SLC4A4: variants seen among roughly 807,000 people sequenced by gnomAD.
SLC4A4 encodes the protein electrogenic sodium bicarbonate cotransporter 1.
SLC4A4 carries 27 observed loss-of-function variants against 111.5 expected under a neutral mutation model. That is an observed-to-expected ratio of 0.24 (90% confidence interval 0.18 to 0.33). SLC4A4 has a LOEUF of 0.33. Ranked by LOEUF, SLC4A4 falls within the 10% of genes least tolerant of loss-of-function variation. The pLI is 1.00. For missense variants in SLC4A4, 909 were observed against 1,315.5 expected (o/e 0.69, Z 4.78); for synonymous variants, 443 against 463.4 (o/e 0.96, Z 0.57).
At chr4:71,326,607 T>C (rs1460573520) in intron 3 of SLC4A4, among the ~76,000 whole-genome samples, 2 of 152,090 alleles carry the variant, frequency 1.3e-5, no homozygotes, top group Non-Finnish European at 2.9e-5. Flanking sequence ...TTGTCATTCA[T>C]GCGAAGCATT....
intron 1 of SLC4A4, among the ~76,000 whole-genome samples, chr4:71,076,637 G>A (rs1370441355): frequency 6.6e-6 from 1 of 152,052 alleles, no homozygotes; most frequent in Non-Finnish European, 1.5e-5. Context: ...AGTTGGGAAT[G>A]TATTTCTCAT....
At chr4:71,382,522 G>A (rs1448009856) in intron 6 of SLC4A4, among the ~76,000 whole-genome samples, 4 of 152,144 alleles carry the variant, frequency 2.6e-5, no homozygotes, top group Admixed American at 2.6e-4. Flanking sequence ...CTTTTTCTTG[G>A]TCTGTGCAAA....
chr4:71,332,230 C>G (rs1728058333), intron 3 of SLC4A4, among the ~76,000 whole-genome samples: 1 of 151,622 alleles, frequency 6.6e-6, no homozygotes, highest in African/African-American at 2.4e-5. Context: ...TTTTATTTTG[C>G]TTTTCTATAA....
chr4:71,122,663 G>A (rs975852263), intron 2 of SLC4A4, among the ~76,000 whole-genome samples: 4 of 152,084 alleles, frequency 2.6e-5, no homozygotes, highest in African/African-American at 4.8e-5. Flanking sequence ...CCTACCCTCC[G>A]GTGGCAGATA....
At chr4:71,164,108 T>TG (rs1385785045) in intron 2 of SLC4A4, among the ~76,000 whole-genome samples, 35 of 152,194 alleles carry the variant, frequency 2.3e-4, no homozygotes, top group African/African-American at 7.9e-4. Flanking sequence ...AAGCTGGGCA[T>TG]GGTGGCTCAC....
chr4:71,112,993 G>T (rs1182815705), intron 2 of SLC4A4, among the ~76,000 whole-genome samples: 4 of 152,286 alleles, frequency 2.6e-5, no homozygotes, highest in African/African-American at 4.8e-5. Flanking sequence ...CCTTTACCCT[G>T]CAGTTTGATC....
At chr4:71,317,304 G>T (rs1262956114) in intron 3 of SLC4A4, among the ~76,000 whole-genome samples, 1 of 151,972 alleles carries the variant, frequency 6.6e-6, no homozygotes, top group Non-Finnish European at 1.5e-5. Flanking sequence ...GTGTTTATAT[G>T]CATTTCATCT....
At chr4:71,192,562 A>G (rs566409135) in intron 1 of SLC4A4, among the ~76,000 whole-genome samples, 1 of 152,312 alleles carries the variant, frequency 6.6e-6, no homozygotes, top group South Asian at 2.1e-4. Context: ...AGAAGTAAGA[A>G]CTAAAGCAAA....
At chr4:71,454,592 C>T (rs1322079050) in intron 12 of SLC4A4, among the ~76,000 whole-genome samples, 1 of 151,546 alleles carries the variant, frequency 6.6e-6, no homozygotes, top group Non-Finnish European at 1.5e-5. Flanking sequence ...TGCTGTTTTT[C>T]TACTTTGGTT....
intron 2 of SLC4A4, among the ~76,000 whole-genome samples, chr4:71,242,173 G>T (rs1365061867): frequency 6.6e-6 from 1 of 152,168 alleles, no homozygotes; most frequent in East Asian, 1.9e-4. Flanking sequence ...CCTAGGTGTT[G>T]GTGTTCTTTG....
intron 5 of SLC4A4, among the ~76,000 whole-genome samples, chr4:71,353,503 A>T (rs1201732627): frequency 6.6e-6 from 1 of 152,120 alleles, no homozygotes; most frequent in African/African-American, 2.4e-5. Context: ...ACTAATCAAA[A>T]CCCTACAGAG....
intron 1 of SLC4A4, among the ~76,000 whole-genome samples, chr4:71,222,126 C>T (rs1364052428): frequency 2.0e-5 from 3 of 152,146 alleles, no homozygotes; most frequent in Non-Finnish European, 2.9e-5. Flanking sequence ...GCACTAAAGC[C>T]CTTCATACAG....
chr4:71,567,668 T>G, intron 25 of SLC4A4, 120 bp from the exon 26 acceptor site: 1 of 532,142 alleles, frequency 1.9e-6, no homozygotes, highest in Non-Finnish European at 3.3e-6. Flanking sequence ...ACAAAGAGAA[T>G]ATAAATATTA....
At chr4:71,543,284 A>G (rs1478331442) in intron 18 of SLC4A4, among the ~76,000 whole-genome samples, 2 of 152,086 alleles carry the variant, frequency 1.3e-5, no homozygotes, top group African/African-American at 4.8e-5. Context: ...TGTGGCTGCA[A>G]TGAGAGAGTT....
intron 2 of SLC4A4, among the ~76,000 whole-genome samples, chr4:71,152,534 TTTGAG>T (rs1384086333): frequency 5.9e-5 from 9 of 152,242 alleles, no homozygotes; most frequent in Non-Finnish European, 1.0e-4. Flanking sequence ...TAATCCATTG[TTTGAG>T]TATATGCAGC....
intron 2 of SLC4A4, among the ~76,000 whole-genome samples, chr4:71,147,349 T>A (rs998776043): frequency 2.6e-5 from 4 of 152,174 alleles, no homozygotes; most frequent in African/African-American, 7.2e-5. Context: ...CTTCTTTTCA[T>A]CCTCCTCACC....
intron 14 of SLC4A4, among the ~76,000 whole-genome samples, chr4:71,483,710 A>C (rs1009714617): frequency 6.6e-6 from 1 of 151,922 alleles, no homozygotes; most frequent in Non-Finnish European, 1.5e-5. Flanking sequence ...GGCTGAGTCA[A>C]ATGTTATTTG....
At chr4:71,507,726 C>T (rs972753678) in intron 16 of SLC4A4, among the ~76,000 whole-genome samples, 5 of 152,162 alleles carry the variant, frequency 3.3e-5, no homozygotes, top group African/African-American at 7.2e-5. Context: ...CTGAACTCAG[C>T]TCTGCATCAG....
intron 1 of SLC4A4, among the ~76,000 whole-genome samples, chr4:71,089,505 G>T (rs1366915151): frequency 6.6e-6 from 1 of 151,970 alleles, no homozygotes. Flanking sequence ...TTTCTGCTCT[G>T]TTTTTTCCCC....
Sources: gnomAD v4.1 joint callset for allele counts (sites outside exome capture counted in the v4.1 genomes callset) on GRCh38, gnomAD v4.1.1 for gene constraint, MANE v1.5 for transcripts, NCBI Gene and HGNC (gene_info 2026-07-23, HGNC 2026-07-21) for gene names.